The following ASIC2 variants were observed in gnomAD, a reference collection of about 807,000 sequenced individuals.
The protein encoded by ASIC2 is acid sensing ion channel subunit 2.
A neutral mutation model predicts 57.3 loss-of-function variants in ASIC2; 25 were observed. That is an observed-to-expected ratio of 0.44 (90% CI 0.32 to 0.61). ASIC2 has a LOEUF of 0.61. Among genes scored for constraint, ASIC2 ranks in the 20% least tolerant of loss-of-function variants. The pLI is 0.06. For missense variants in ASIC2, 641 were observed against 738.1 expected (o/e 0.87, Z 1.52); for synonymous variants, 319 against 307.5 (o/e 1.04, Z -0.39).
chr17:33,731,561 A>C (rs1909743058), intron 1 of ASIC2, among the ~76,000 whole-genome samples: 1 of 152,222 alleles, frequency 6.6e-6, no homozygotes, highest in African/African-American at 2.4e-5. Flanking sequence ...AATTAGAAAG[A>C]GCTAGGAATT....
At chr17:33,064,665 G>C (rs965328214) in intron 3 of ASIC2, among the ~76,000 whole-genome samples, 1 of 152,198 alleles carries the variant, frequency 6.6e-6, no homozygotes, top group Non-Finnish European at 1.5e-5. Flanking sequence ...GAGGCAGTCT[G>C]TCTGTTCTCA....
At chr17:33,896,466 G>C (rs1339366604) in intron 1 of ASIC2, among the ~76,000 whole-genome samples, 2 of 152,196 alleles carry the variant, frequency 1.3e-5, no homozygotes, top group South Asian at 2.1e-4. Context: ...GCAACAGCCA[G>C]GGTATGAATA....
At chr17:33,989,397 C>T (rs968272950) in intron 1 of ASIC2, among the ~76,000 whole-genome samples, 4 of 152,016 alleles carry the variant, frequency 2.6e-5, no homozygotes, top group Non-Finnish European at 5.9e-5. Context: ...AACAGAGGGA[C>T]TTGGCCCATC....
At chr17:34,063,070 AG>A (rs1909030236) in intron 1 of ASIC2, among the ~76,000 whole-genome samples, 1 of 152,202 alleles carries the variant, frequency 6.6e-6, no homozygotes. Flanking sequence ...AAATCAAAAA[AG>A]AAAATTACAG....
chr17:33,033,904 G>A (rs892265171), intron 3 of ASIC2, among the ~76,000 whole-genome samples: 2 of 152,212 alleles, frequency 1.3e-5, no homozygotes, highest in African/African-American at 4.8e-5. Flanking sequence ...AGAATGGCCA[G>A]AGGACCAAGA....
chr17:33,822,831 G>C (rs1028089550), intron 1 of ASIC2, among the ~76,000 whole-genome samples: 1 of 152,224 alleles, frequency 6.6e-6, no homozygotes, highest in African/African-American at 2.4e-5. Flanking sequence ...TGGCAGGAAA[G>C]ATGTCGTTAT....
chr17:33,215,705 CT>C (rs35619348), intron 1 of ASIC2, among the ~76,000 whole-genome samples: 353 of 141,338 alleles, frequency 2.5e-3, no homozygotes, highest in African/African-American at 4.5e-3. Flanking sequence ...ATACATGTGG[CT>C]TTTTTTTTTT....
intron 1 of ASIC2, among the ~76,000 whole-genome samples, chr17:33,956,113 A>T (rs1419393113): frequency 6.6e-6 from 1 of 152,186 alleles, no homozygotes; most frequent in Non-Finnish European, 1.5e-5. Context: ...CTCAAGAAAT[A>T]GCTAATGAAT....
At chr17:34,083,549 G>A (rs1598014973) in intron 1 of ASIC2, among the ~76,000 whole-genome samples, 2 of 152,098 alleles carry the variant, frequency 1.3e-5, no homozygotes, top group Non-Finnish European at 2.9e-5. Flanking sequence ...GTAATGGGAT[G>A]GCTGGGTCAA....
intron 1 of ASIC2, among the ~76,000 whole-genome samples, chr17:34,096,348 T>C (rs1388573191): frequency 1.3e-5 from 2 of 152,078 alleles, no homozygotes; most frequent in Non-Finnish European, 2.9e-5. Flanking sequence ...TCAGGATCCA[T>C]TAAAGTAACC....
intron 1 of ASIC2, among the ~76,000 whole-genome samples, chr17:33,380,728 T>C (rs1181537408): frequency 7.2e-5 from 11 of 152,220 alleles, no homozygotes; most frequent in Middle Eastern, 3.2e-3. Flanking sequence ...AAAGAGCCCT[T>C]GAACTGCAGG....
rs555472755 is a variant in ASIC2 at position 33,267,976 on chromosome 17, G to A, written c.708+23432C>T. Among the ~76,000 whole-genome samples the A allele has an allele frequency of 1.1e-4, 16 of 152,210 alleles. No homozygotes were observed. The South Asian group carries it at 1.5e-3, about 14-fold the overall frequency. On this transcript the variant is annotated intron_variant, in intron 1 of 9. Transcript: ENST00000225823. ...TCTTAATTTCTTTTGGGAAATTATC[G>A]GTTCCTCACCGTGCATGCGTAAAGG...
chr17:33,015,791 C>CAG (rs1430188379), intron 9 of ASIC2, among the ~76,000 whole-genome samples, 180 bp downstream of exon 9: 1 of 152,170 alleles, frequency 6.6e-6, no homozygotes, highest in Non-Finnish European at 1.5e-5. Context: ...GCATGACTCT[C>CAG]AGAGAGAGGC....
rs147588476 is a variant in ASIC2 at position 33,631,379 on chromosome 17, A to G, written c.556-519312T>C. On this transcript the variant is annotated intron_variant, in intron 1 of 9. Transcript: ENST00000359872. The stretch of plus-strand genomic sequence containing the variant: ...TTTTTGATGCCAGCCCGTCTCAGCT[A>G]TACTAAGGAGAAACAGAGAAAGTGA... Among the ~76,000 whole-genome samples, 221 of 140,744 alleles carry G rather than the reference A, an allele frequency of 1.6e-3. 1 individual carries two copies. Among genetic ancestry groups the G allele is most frequent in the Admixed American group, 3.1e-3 (41 of 13,296 alleles). 92.3% of individuals were successfully genotyped at this position (140,744 alleles called of 152,430 possible).
intron 1 of ASIC2, among the ~76,000 whole-genome samples, chr17:33,438,651 T>A (rs1312835829): frequency 2.0e-5 from 3 of 152,100 alleles, no homozygotes; most frequent in Admixed American, 6.5e-5. Context: ...CTTCCTATGT[T>A]TCCTCTGTGA....
chr17:33,414,063 C>T (rs1277867870), intron 1 of ASIC2, among the ~76,000 whole-genome samples: 2 of 152,178 alleles, frequency 1.3e-5, no homozygotes, highest in African/African-American at 2.4e-5. Context: ...AGTAGGTCCT[C>T]CTTAAGTCTT....
intron 1 of ASIC2, among the ~76,000 whole-genome samples, chr17:33,548,936 C>T (rs1300691800): frequency 6.6e-6 from 1 of 152,082 alleles, no homozygotes; most frequent in Admixed American, 6.6e-5. Flanking sequence ...CTAGTGTTGC[C>T]TTCTTTATTC....
chr17:33,980,375 T>A (rs1315491725), intron 1 of ASIC2, among the ~76,000 whole-genome samples: 1 of 152,052 alleles, frequency 6.6e-6, no homozygotes, highest in Non-Finnish European at 1.5e-5. Flanking sequence ...CTTCCCCAGA[T>A]GAGCTTAGAC....
At chr17:33,854,551 G>T (rs1490376694) in intron 1 of ASIC2, among the ~76,000 whole-genome samples, 1 of 152,208 alleles carries the variant, frequency 6.6e-6, no homozygotes, top group Non-Finnish European at 1.5e-5. Context: ...CTATAATGGG[G>T]TCTGAGGATA....
Sources: allele counts gnomAD v4.1 joint callset (sites outside exome capture counted in the v4.1 genomes callset), GRCh38; gene constraint gnomAD v4.1.1; transcripts MANE v1.5; gene names NCBI Gene and HGNC (gene_info 2026-07-23, HGNC 2026-07-21).